ATP7B: variants seen among roughly 807,000 people sequenced by gnomAD.
ATP7B encodes the protein copper-transporting ATPase 2.
Under a neutral mutation model 118.9 loss-of-function variants are expected in ATP7B, and 113 were observed. That is an observed-to-expected ratio of 0.95 (90% CI 0.82 to 1.11). The LOEUF (loss-of-function observed/expected upper bound fraction) is 1.11. Ranked by LOEUF, ATP7B falls within the 50% of genes most tolerant of loss-of-function variation. The pLI, the probability that ATP7B is intolerant of heterozygous loss-of-function variation, is 0.00. For synonymous variants in ATP7B, 777 were observed against 727.4 expected (o/e 1.07, Z -1.10); for missense variants, 1,867 against 1,871.4 (o/e 1.00, Z 0.04).
At chr13:51,949,867 TAAAG>T (rs1957886014) in intron 11 of ATP7B, 71 bp from the exon 12 acceptor site, 2 of 1,611,960 alleles carry the variant, frequency 1.2e-6, no homozygotes, top group Non-Finnish European at 1.7e-6. Context: ...CAAGCATGGA[TAAAG>T]ATTGGGATAA....
At position 51,950,014 on chromosome 13, in the gene ATP7B, A is replaced by G. The variant is rs1957896042; in HGVS notation, c.2723T>C (p.Met908Thr). ...QIVKLVEEAQMSKAPIQQLAD... is the reference protein window; with the variant it reads ...QIVKLVEEAQTSKAPIQQLAD... Reference sequence around the variant, plus strand: ...TAAAAATTTCTTCATTACCTTTGACATCTGAGCCTCTTCCACCAGTTTCAC... The same window carrying G: ...TAAAAATTTCTTCATTACCTTTGACGTCTGAGCCTCTTCCACCAGTTTCAC... The change falls in exon 11 of 21, where the codon ATG (methionine) becomes ACG (threonine). Residue 908 changes from methionine (M) to threonine (T), a missense_variant. By Grantham distance (81) the Met-to-Thr change is moderately conservative (BLOSUM62 -1). Transcript: ENST00000242839. 6.2e-7 allele frequency: 1 copy of G among 1,614,250 alleles called. No homozygotes were observed. Among genetic ancestry groups the G allele is most frequent in the South Asian group, 1.1e-5 (1 of 91,090 alleles).
Position 51,965,009 on chromosome 13 carries a change from A to C in ATP7B, c.1732T>G (p.Cys578Gly). 1 of 1,614,168 alleles carries C rather than the reference A, an allele frequency of 6.2e-7. No individual in the cohort carries two copies. The highest frequency in any genetic ancestry group is 8.5e-7 in the Non-Finnish European group (1 of 1,180,042). Residue 578 changes from cysteine (C) to glycine (G), a missense_variant, in exon 5 of 21, where the codon TGT becomes GGT. By Grantham distance (159) the Cys-to-Gly change is radical (BLOSUM62 -3). Transcript: ENST00000242839. ...LTITGMTCASCVHNIESKLTR... is the reference protein window; with the variant it reads ...LTITGMTCASGVHNIESKLTR... The stretch of plus-strand genomic sequence containing the variant: ...AGTTTGGACTCTATGTTGTGGACAC[A>C]GGACGCGCAGGTCATCCCTGTGATC...
In ATP7B at chr13:51,949,585, A is replaced by T. The variant is rs1031602214; in HGVS notation, c.2865+77T>A. On this transcript the variant is annotated intron_variant, in intron 12 of 20. Transcript: ENST00000242839. ...GAATAATTAAAGCCCAGTGAATCTAAGATATGAAAGAACAGGATCAATGTC... is the reference window on the plus strand; with the variant it reads ...GAATAATTAAAGCCCAGTGAATCTATGATATGAAAGAACAGGATCAATGTC... 172 of 1,573,326 alleles carry T rather than the reference A, an allele frequency of 1.1e-4. 2 individuals carry two copies. The Admixed American group carries it at 2.9e-3, about 26-fold the overall frequency.
chr13:51,969,122 GCAT>G (rs1442945815), intron 3 of ATP7B, among the ~76,000 whole-genome samples: 1 of 150,846 alleles, frequency 6.6e-6, no homozygotes, highest in Non-Finnish European at 1.5e-5. Context: ...GCCTCCCAAG[GCAT>G]CATTTTTTTT....
chr13:51,956,036 C>T (rs1355863571), intron 9 of ATP7B, among the ~76,000 whole-genome samples: 1 of 152,190 alleles, frequency 6.6e-6, no homozygotes, highest in Non-Finnish European at 1.5e-5. Context: ...TGCTGCCTCA[C>T]GGAACAGCTA....
chr13:51,958,614 G>T, intron 7 of ATP7B, 70 bp from the exon 8 acceptor site: 4 of 1,369,426 alleles, frequency 2.9e-6, no homozygotes, highest in Non-Finnish European at 4.2e-6. Context: ...ACAGGGCCAA[G>T]GGCCCTGGGG....
chr13:51,985,475 T>G (rs1391054645), intron 1 of ATP7B, among the ~76,000 whole-genome samples: 1 of 152,258 alleles, frequency 6.6e-6, no homozygotes, highest in South Asian at 2.1e-4. Context: ...GTGGGAGACT[T>G]TAACACCCCA....
intron 1 of ATP7B, chr13:51,978,740 AATATCAT>A (rs1335856801): frequency 3.3e-5 from 5 of 152,236 alleles, no homozygotes. Context: ...AGGCACAGAA[AATATCAT>A]ATATATAGCA....
chr13:51,972,201 G>C (rs9526815), intron 2 of ATP7B, among the ~76,000 whole-genome samples: 129,304 of 152,132 alleles, frequency 0.85, 55,500 homozygotes, highest in East Asian at 1. Context: ...ACCCTTACCA[G>C]CAGCCAAGCT....
At chr13:51,976,078 T>G (rs1371191522) in intron 1 of ATP7B, among the ~76,000 whole-genome samples, 1 of 152,268 alleles carries the variant, frequency 6.6e-6, no homozygotes, top group Non-Finnish European at 1.5e-5. Context: ...TCAGTCATTC[T>G]ATTAACAAGC....
At chr13:52,010,443 A>T (rs1953966930) in intron 1 of ATP7B, among the ~76,000 whole-genome samples, 1 of 152,240 alleles carries the variant, frequency 6.6e-6, no homozygotes, top group Non-Finnish European at 1.5e-5. Context: ...TGCAAGAGAG[A>T]GAGAAAAAAA....
Position 51,937,512 on chromosome 13 carries a change from A to T in ATP7B, c.3867T>A (p.Asp1289Glu). 1 of 1,614,136 alleles carries T rather than the reference A, an allele frequency of 6.2e-7. No individual in the cohort carries two copies. The highest frequency in any genetic ancestry group is 8.5e-7 in the Non-Finnish European group (1 of 1,180,030). The part of the protein sequence containing the change: ...DMGVAIGTGT[D>E]VAIEAADVVL... ...CGACGTCGGCTGCCTCGATGGCCAC[A>T]TCCGTGCCGGTGCCAATGGCCACAC... The change falls in exon 18 of 21, where the codon GAT becomes GAA. Residue 1289 changes from aspartate (D) to glutamate (E), a missense_variant. By Grantham distance (45) the Asp-to-Glu change is conservative. Transcript: ENST00000242839.
chr13:51,936,294 G>A (rs940255028), intron 19 of ATP7B, among the ~76,000 whole-genome samples: 8 of 152,122 alleles, frequency 5.3e-5, no homozygotes, highest in Non-Finnish European at 8.8e-5. Flanking sequence ...ACTGGGCTCA[G>A]GAAGCCAAGG....
At chr13:51,972,286 T>C (rs933369507) in intron 2 of ATP7B, among the ~76,000 whole-genome samples, 4 of 152,172 alleles carry the variant, frequency 2.6e-5, no homozygotes, top group Admixed American at 6.5e-5. Flanking sequence ...CCCGCGAAGA[T>C]ACGATTCAGA....
intron 15 of ATP7B, among the ~76,000 whole-genome samples, chr13:51,941,833 C>T (rs887091968): frequency 4.1e-5 from 5 of 122,462 alleles, no homozygotes; most frequent in Admixed American, 3.5e-4. Context: ...ATCTAAGCCA[C>T]AATTTCACTA....
In ATP7B at chr13:51,942,462, G is replaced by A. The variant is rs778086706; in HGVS notation, c.3336C>T (p.Ile1112=). The change falls in exon 15 of 21, where the codon ATC becomes ATT. Residue 1112 remains isoleucine (I), a synonymous_variant. Coordinates refer to ENST00000242839, the MANE Select transcript of ATP7B (RefSeq NM_000053.4). ...IGCKVSNVEG[I]LAHSERPLSA... is the part of the protein sequence containing the mutation. ...TCAAAGGGCGCTCACTGTGGGCCAG[G>A]ATGCCTTCCACGTTGCTGACTTTGC... is the stretch of plus-strand genomic sequence containing the variant. 15 of 1,614,138 alleles carry A rather than the reference G, an allele frequency of 9.3e-6. No homozygotes were observed. The highest frequency in any genetic ancestry group is 1.3e-5 in the African/African-American group (1 of 74,948).
chr13:52,011,995 A>C, upstream of ATP7B: 4 of 321,294 alleles, frequency 1.2e-5, no homozygotes, highest in Non-Finnish European at 2.4e-5. Context: ...AAAGGAAGCA[A>C]CCGCGGCAAG....
chr13:51,971,088 T>C (rs1301812536), intron 2 of ATP7B, among the ~76,000 whole-genome samples: 1 of 152,224 alleles, frequency 6.6e-6, no homozygotes, highest in Non-Finnish European at 1.5e-5. Flanking sequence ...TGCGGGGTGC[T>C]ATTGAGTCCA....
chr13:51,938,956 A>G, intron 17 of ATP7B, 95 bp downstream of exon 17: 2 of 1,571,510 alleles, frequency 1.3e-6, no homozygotes, highest in Non-Finnish European at 1.8e-6. Context: ...GAGAAAGAGC[A>G]GGAGTACAGC....
Sources: allele counts gnomAD v4.1 joint callset (sites outside exome capture counted in the v4.1 genomes callset), GRCh38; gene constraint gnomAD v4.1.1; transcripts MANE v1.5; gene names NCBI Gene and HGNC (gene_info 2026-07-23, HGNC 2026-07-21).